ACAD11: variants seen among roughly 807,000 people sequenced by gnomAD.
ACAD11 encodes the protein acyl-CoA dehydrogenase family member 11.
A neutral mutation model predicts 102.2 loss-of-function variants in ACAD11; 83 were observed. The ratio of observed to expected loss-of-function variants is 0.81; its 90% CI spans 0.68 to 0.97. The LOEUF is 0.97. Ranked by LOEUF, ACAD11 falls within the 50% of genes least tolerant of loss-of-function variation. ACAD11 has a pLI of 0.00. For missense variants in ACAD11, 901 were observed against 951.7 expected (o/e 0.95, Z 0.70); for synonymous variants, 324 against 319.8 (o/e 1.01, Z -0.14).
chr3:132,559,771 C>G, intron 19 of ACAD11, 62 bp downstream of exon 19: 1 of 1,306,494 alleles, frequency 7.7e-7, no homozygotes, highest in East Asian at 2.4e-5. Context: ...GTCAAGGCAT[C>G]TGTAGATTTT....
At chr3:132,612,278 G>C (rs113761322) in intron 11 of ACAD11, among the ~76,000 whole-genome samples, 3,160 of 152,066 alleles carry the variant, frequency 0.021, 69 homozygotes, top group South Asian at 0.073. Flanking sequence ...AACCCTAGAA[G>C]AAAACCTAGG....
Position 132,656,894 on chromosome 3 carries a change from T to C in ACAD11, c.149+2709A>G, listed in dbSNP as rs145187276. Among the ~76,000 whole-genome samples the C allele has an allele frequency of 1.6e-3, 240 of 152,078 alleles. 1 individual carries two copies. Among genetic ancestry groups the C allele is most frequent in the African/African-American group, 5.6e-3 (232 of 41,508 alleles). On this transcript the variant is annotated intron_variant, in intron 1 of 19. Coordinates refer to ENST00000264990, the MANE Select transcript of ACAD11 (RefSeq NM_032169.5). ...CATTTCCCTTATTACTACAGTATAA[T>C]AAAGTTGAGCATCATCAAGTTTTCG...
At chr3:132,647,215 A>G (rs1940748753) in intron 1 of ACAD11, 1 of 152,226 alleles carries the variant, frequency 6.6e-6, no homozygotes, top group South Asian at 2.1e-4. Context: ...CATTGTCAAC[A>G]CTGTCAATAC....
chr3:132,654,641 T>C (rs946022897), intron 1 of ACAD11: 3 of 152,234 alleles, frequency 2.0e-5, no homozygotes, highest in South Asian at 4.1e-4. Flanking sequence ...TGGTAAGCCC[T>C]CTGGGAAAAG....
At chr3:132,559,112 A>T in intron 19 of ACAD11, 27 bp from the exon 20 acceptor site, 1 of 1,498,344 alleles carries the variant, frequency 6.7e-7, no homozygotes, top group African/African-American at 1.4e-5. Flanking sequence ...ATCAGGGAAC[A>T]CAGGGAGTTA....
At chr3:132,633,850 C>T (rs1336395210) in intron 5 of ACAD11, among the ~76,000 whole-genome samples, 2 of 152,018 alleles carry the variant, frequency 1.3e-5, no homozygotes, top group South Asian at 2.1e-4. Context: ...AACTGGCTAG[C>T]CATATGTAGA....
chr3:132,624,168 T>C (rs879323961), intron 9 of ACAD11, among the ~76,000 whole-genome samples: 2 of 151,620 alleles, frequency 1.3e-5, no homozygotes, highest in African/African-American at 2.4e-5. Context: ...TAGCCCGGTA[T>C]GGTGGCATAT....
At chr3:132,592,576 T>TA (rs1052966583) in intron 13 of ACAD11, among the ~76,000 whole-genome samples, 17 of 152,102 alleles carry the variant, frequency 1.1e-4, no homozygotes, top group African/African-American at 3.4e-4. Flanking sequence ...GATAGGTGGA[T>TA]AAAAAAACAT....
chr3:132,636,749 C>T (rs1433537295), intron 5 of ACAD11, among the ~76,000 whole-genome samples: 2 of 152,028 alleles, frequency 1.3e-5, no homozygotes, highest in Non-Finnish European at 2.9e-5. Context: ...AAAATATCAC[C>T]CATCAATCTG....
At chr3:132,638,691 T>C (rs1940368132) in intron 5 of ACAD11, among the ~76,000 whole-genome samples, 1 of 152,226 alleles carries the variant, frequency 6.6e-6, no homozygotes, top group African/African-American at 2.4e-5. Context: ...ACAGATCAAA[T>C]ACAGGCCAGA....
chr3:132,595,320 T>G (rs1274944012), intron 13 of ACAD11, among the ~76,000 whole-genome samples: 2 of 151,988 alleles, frequency 1.3e-5, no homozygotes, highest in African/African-American at 4.8e-5. Context: ...GCAGAACAAG[T>G]AGGCAAAGGG....
In ACAD11 at chr3:132,576,943, C is replaced by T. The variant is rs1397665072; in HGVS notation, c.1846+1G>A. On this transcript the variant is annotated splice_donor_variant, in intron 16 of 19. Coordinates refer to ENST00000264990, the MANE Select transcript of ACAD11 (RefSeq NM_032169.5). LOFTEE classifies it high-confidence loss of function. Reference sequence around the variant, plus strand: ...AAGAATCATTTCCAAATTCAACTCACCTAGTATTAGATTTGTGGCAGGAAC... The same window carrying T: ...AAGAATCATTTCCAAATTCAACTCATCTAGTATTAGATTTGTGGCAGGAAC... 1 of 1,598,870 alleles carries T rather than the reference C, an allele frequency of 6.3e-7. No homozygotes were observed. Among genetic ancestry groups the T allele is most frequent in the African/African-American group, 1.3e-5 (1 of 74,576 alleles).
chr3:132,561,454 T>G (rs780158489), intron 17 of ACAD11: 6 of 483,372 alleles, frequency 1.2e-5, no homozygotes, highest in Non-Finnish European at 2.3e-5. Context: ...AATTTTATTT[T>G]CCCAGAAAAA....
chr3:132,620,359 G>C (rs1486647726), intron 9 of ACAD11: 1 of 152,170 alleles, frequency 6.6e-6, no homozygotes, highest in Non-Finnish European at 1.5e-5. Flanking sequence ...AGTGTTTCTG[G>C]TGACAGTGCC....
intron 11 of ACAD11, among the ~76,000 whole-genome samples, chr3:132,613,697 G>C (rs954368029): frequency 3.9e-5 from 6 of 152,032 alleles, no homozygotes; most frequent in Admixed American, 6.6e-5. Flanking sequence ...TCAGGAGCTT[G>C]AGACCAGCCT....
chr3:132,567,501 A>C (rs1467916067), intron 17 of ACAD11, among the ~76,000 whole-genome samples: 1 of 152,172 alleles, frequency 6.6e-6, no homozygotes, highest in East Asian at 1.9e-4. Context: ...ATAAATCAAA[A>C]TGTAGTTCTA....
chr3:132,564,076 TATA>T (rs1371521870), intron 17 of ACAD11, among the ~76,000 whole-genome samples: 1 of 152,244 alleles, frequency 6.6e-6, no homozygotes, highest in African/African-American at 2.4e-5. Context: ...TTTGGCAGAT[TATA>T]ATAATTTATT....
chr3:132,561,823 C>T lies in ACAD11; in HGVS notation c.2002-606G>A, dbSNP rs185969871. On this transcript the variant is annotated intron_variant, in intron 17 of 19. Coordinates refer to ENST00000264990, the MANE Select transcript of ACAD11 (RefSeq NM_032169.5). ...CTCCCTGGTGCTGCCCCTTTTTAGT[C>T]ACAGGCTCCTCTCACTCCTAACTTC... Among the ~76,000 whole-genome samples, 330 of 152,350 alleles carry T rather than the reference C, an allele frequency of 2.2e-3. 1 individual carries two copies. The highest frequency in any genetic ancestry group is 3.2e-3 in the Non-Finnish European group (220 of 68,032).
rs186426460 is a variant in ACAD11, at chr3:132,609,284, C to T, written c.1415-4079G>A. On this transcript the variant is annotated intron_variant, in intron 11 of 19. Coordinates refer to ENST00000264990, the MANE Select transcript of ACAD11 (RefSeq NM_032169.5). ...AAGCTAGCAGAAGACAAGAAATAAC[C>T]AAGATCAGAGCAGAACTGAAGGAGA... Among the ~76,000 whole-genome samples the T allele has an allele frequency of 4.2e-3, 640 of 151,986 alleles. 4 individuals are homozygous for T. Among genetic ancestry groups the T allele is most frequent in the Non-Finnish European group, 7.1e-3 (481 of 67,932 alleles).
Sources: gnomAD v4.1 joint callset for allele counts (sites outside exome capture counted in the v4.1 genomes callset) on GRCh38, gnomAD v4.1.1 for gene constraint, MANE v1.5 for transcripts, NCBI Gene and HGNC (gene_info 2026-07-23, HGNC 2026-07-21) for gene names.